Variants in CLOCK observed in about 807,000 individuals in gnomAD.
CLOCK encodes the protein circadian locomoter output cycles protein kaput.
CLOCK carries 43 observed loss-of-function variants against 118.4 expected under a neutral mutation model. That is an observed-to-expected ratio of 0.36 (90% CI 0.28 to 0.47). CLOCK has a LOEUF of 0.47. CLOCK is among the 20% of genes least tolerant of loss of function. The pLI, the probability that CLOCK is intolerant of heterozygous loss-of-function variation, is 1.00. For missense variants in CLOCK, 846 were observed against 999.9 expected, an observed-to-expected ratio of 0.85 and a Z score of 2.08; for synonymous variants, 326 against 339.2, an observed-to-expected ratio of 0.96 and a Z score of 0.43.
intron 2 of CLOCK, among the ~76,000 whole-genome samples, chr4:55,509,532 C>G (rs1171867880): frequency 1.3e-5 from 2 of 152,208 alleles, no homozygotes; most frequent in South Asian, 2.1e-4. Context: ...TCTGGCTCTT[C>G]TTTTACCTCA....
chr4:55,541,076 T>C (rs1187785354), intron 1 of CLOCK, among the ~76,000 whole-genome samples: 1 of 152,212 alleles, frequency 6.6e-6, no homozygotes, highest in East Asian at 1.9e-4. Context: ...TACATCTCTG[T>C]GAAATATCCA....
At chr4:55,541,801 C>T (rs924195741) in intron 1 of CLOCK, among the ~76,000 whole-genome samples, 1 of 151,714 alleles carries the variant, frequency 6.6e-6, no homozygotes. Flanking sequence ...AAAAAAACTA[C>T]TGAAATAGCT....
At chr4:55,458,518 T>C (rs1725078470) in intron 11 of CLOCK, among the ~76,000 whole-genome samples, 1 of 152,190 alleles carries the variant, frequency 6.6e-6, no homozygotes, top group African/African-American at 2.4e-5. Context: ...GTAAGTTATA[T>C]GTGGCAAAGA....
At chr4:55,510,139 T>G (rs1335373236) in intron 1 of CLOCK, 74 bp from the exon 2 acceptor site, 1 of 152,224 alleles carries the variant, frequency 6.6e-6, no homozygotes, top group East Asian at 1.9e-4. Flanking sequence ...TATTTTTGTT[T>G]CATCGACGTA....
chr4:55,531,981 C>T (rs1315449972), intron 1 of CLOCK, among the ~76,000 whole-genome samples: 1 of 150,926 alleles, frequency 6.6e-6, no homozygotes, highest in Non-Finnish European at 1.5e-5. Context: ...ATACCATGAC[C>T]AAGTGGGATT....
chr4:55,481,787 T>G (rs1218233434), intron 4 of CLOCK, among the ~76,000 whole-genome samples: 1 of 152,182 alleles, frequency 6.6e-6, no homozygotes, highest in Non-Finnish European at 1.5e-5. Context: ...CAAGTAAAAA[T>G]TCCAGATCAT....
intron 1 of CLOCK, among the ~76,000 whole-genome samples, chr4:55,523,833 G>A (rs1354983332): frequency 6.6e-6 from 1 of 152,032 alleles, no homozygotes; most frequent in African/African-American, 2.4e-5. Flanking sequence ...TGAAACCTTT[G>A]ATGGCTTATA....
At chr4:55,439,513 TATAA>T (rs1355230521) in intron 21 of CLOCK, among the ~76,000 whole-genome samples, 1 of 152,158 alleles carries the variant, frequency 6.6e-6, no homozygotes, top group Non-Finnish European at 1.5e-5. Context: ...CTTCTGCTTA[TATAA>T]CCCCCCAAAA....
intron 19 of CLOCK, among the ~76,000 whole-genome samples, chr4:55,444,155 CATTTATA>C (rs1299069560): frequency 1.3e-5 from 2 of 152,186 alleles, no homozygotes; most frequent in African/African-American, 4.8e-5. Context: ...TATCACTTAT[CATTTATA>C]ATTTATAACA....
At chr4:55,441,764 T>C (rs1012962256) in intron 21 of CLOCK, among the ~76,000 whole-genome samples, 5 of 152,092 alleles carry the variant, frequency 3.3e-5, no homozygotes, top group Admixed American at 3.3e-4. Context: ...ACATATTGGA[T>C]AGAATGTGCA....
At chr4:55,435,730 GT>G in intron 22 of CLOCK, 136 bp from the exon 23 acceptor site, 2 of 895,030 alleles carry the variant, frequency 2.2e-6, no homozygotes, top group Non-Finnish European at 3.6e-6. Context: ...TCACTCTCTG[GT>G]TTAAAAATTC....
chr4:55,477,686 G>C (rs1726612706), intron 6 of CLOCK, among the ~76,000 whole-genome samples: 2 of 152,070 alleles, frequency 1.3e-5, no homozygotes, highest in Admixed American at 6.6e-5. Flanking sequence ...TCTAAAAATA[G>C]AAATCTGGTA....
intron 2 of CLOCK, among the ~76,000 whole-genome samples, chr4:55,508,332 A>G (rs918476004): frequency 3.3e-5 from 5 of 152,240 alleles, no homozygotes; most frequent in Non-Finnish European, 7.3e-5. Flanking sequence ...TATTCATTTT[A>G]GAATAAAAAT....
At chr4:55,444,017 A>G (rs1210467964) in intron 19 of CLOCK, 121 bp from the exon 20 acceptor site, 1 of 766,096 alleles carries the variant, frequency 1.3e-6, no homozygotes. Context: ...AGGCTAAGTC[A>G]CTTTGAAGAA....
chr4:55,492,018 C>T (rs1251575474), intron 2 of CLOCK, among the ~76,000 whole-genome samples: 1 of 152,094 alleles, frequency 6.6e-6, no homozygotes, highest in Non-Finnish European at 1.5e-5. Context: ...TTCCAACAAA[C>T]TGAAAAGGGA....
At position 55,435,368 on chromosome 4, in the gene CLOCK, T is replaced by A; in HGVS notation, c.*47A>T. 6.2e-7 allele frequency: 1 copy of A among 1,607,940 alleles called. No homozygotes were observed. Among genetic ancestry groups the A allele is most frequent in the African/African-American group, 1.3e-5 (1 of 74,898 alleles). ...CTCAGGTCATCTGAGTAACTCTTAA[T>A]GGGCCATCCCCTTCCTCCCTTGATG... On this transcript the variant is annotated 3_prime_UTR_variant, in exon 23 of 23. Transcript: ENST00000513440.
At chr4:55,498,759 G>A (rs1007777222) in intron 2 of CLOCK, among the ~76,000 whole-genome samples, 1 of 152,112 alleles carries the variant, frequency 6.6e-6, no homozygotes, top group South Asian at 2.1e-4. Context: ...CATCACGTAA[G>A]TAGGAGTAAA....
chr4:55,528,850 T>A (rs902076051), intron 1 of CLOCK, among the ~76,000 whole-genome samples: 2 of 152,188 alleles, frequency 1.3e-5, no homozygotes, highest in African/African-American at 4.8e-5. Context: ...AATGTCAGTA[T>A]CTGTAGAGCC....
intron 18 of CLOCK, among the ~76,000 whole-genome samples, chr4:55,445,608 T>TTTTTTGTCA (rs71194564): frequency 9.6e-6 from 1 of 104,014 alleles, no homozygotes; most frequent in Non-Finnish European, 2.0e-5. Context: ...TTTTTTTTTT[T>TTTTTTGTCA]GAGACAGGAT....
Sources: gnomAD v4.1 joint callset for allele counts (sites outside exome capture counted in the v4.1 genomes callset) on GRCh38, gnomAD v4.1.1 for gene constraint, MANE v1.5 for transcripts, NCBI Gene and HGNC (gene_info 2026-07-23, HGNC 2026-07-21) for gene names.